The following POLE variants were observed in gnomAD, a reference collection of about 807,000 sequenced individuals.
POLE encodes the protein DNA polymerase epsilon, catalytic subunit.
POLE carries 188 observed loss-of-function variants against 279.2 expected under a neutral mutation model. The observed-to-expected ratio is 0.67, with a 90% CI of 0.60 to 0.76. The LOEUF is 0.76. Ranked by LOEUF, POLE falls within the 30% of genes least tolerant of loss-of-function variation. The pLI is 0.00. For missense variants in POLE, 2,703 were observed against 3,016.7 expected (o/e 0.90, Z 2.44); for synonymous variants, 1,214 against 1,172.5 (o/e 1.04, Z -0.72).
In POLE at chr12:132,675,282, G is replaced by A. The variant is rs2043018738; in HGVS notation, c.1226+116C>T. 21 of 1,334,330 alleles carry A rather than the reference G, an allele frequency of 1.6e-5. No homozygotes were observed. Among genetic ancestry groups the A allele is most frequent in the South Asian group, 4.2e-5 (3 of 71,886 alleles). 82.7% of individuals were successfully genotyped at this position (1,334,330 alleles called of 1,614,324 possible). A position where few individuals can be genotyped will look rare whatever the true frequency, so the allele number is the denominator to read the frequency against. ...GCCATACTCTTGGGTGACCTGAAACGGCCTCTCGGAGGCCACCCTCCTCCC... is the reference window on the plus strand; with the variant it reads ...GCCATACTCTTGGGTGACCTGAAACAGCCTCTCGGAGGCCACCCTCCTCCC... On this transcript the variant is annotated intron_variant, in intron 12 of 48. Coordinates refer to ENST00000320574, the MANE Select transcript of POLE (RefSeq NM_006231.4). This position sits in a 1 kb window ranked among gnomAD's most constrained non-coding sequence, Gnocchi z 4.3.
rs139075637 is a variant in POLE, at chr12:132,676,594, A to T, written c.861T>A (p.Asp287Glu). The part of the protein sequence containing the change: ...ETTKLPLKFP[D>E]AETDQIMMIS... ...TCATCATAATCTGGTCTGTCTCAGCATCAGGAAACTTGAGGGGCAGTTTGG... is the reference window on the plus strand; with the variant it reads ...TCATCATAATCTGGTCTGTCTCAGCTTCAGGAAACTTGAGGGGCAGTTTGG... The change falls in exon 9 of 49, where the codon GAT (aspartate) becomes GAA (glutamate). Residue 287 changes from aspartate to glutamate, a missense_variant. Transcript: ENST00000320574. The T allele has an allele frequency of 1.3e-3, 2,175 of 1,614,080 alleles. 4 individuals are homozygous for T. Among genetic ancestry groups the T allele is most frequent in the Non-Finnish European group, 1.8e-3 (2,078 of 1,179,940 alleles).
intron 39 of POLE, chr12:132,641,401 G>A: frequency 1.8e-6 from 1 of 563,060 alleles, no homozygotes; most frequent in South Asian, 2.0e-5. Context: ...GAAAGACTCT[G>A]TGTGAAGTAC....
rs369732588 is a variant in POLE at position 132,661,167 on chromosome 12, G to GAAAA, written c.2865-7_2865-4dup. 3.6e-6 allele frequency: 5 copies of GAAAA among 1,378,038 alleles called. No homozygotes were observed. Among genetic ancestry groups the GAAAA allele is most frequent in the African/African-American group, 1.6e-5 (1 of 63,412 alleles). The allele number at this position is 1,378,038 out of a possible 1,614,324, so 85.4% of individuals were successfully genotyped here. ...CGTCTTCATTGAACACAGCATACCT[G>GAAAA]AAAAAAAAAAAAAAGGCAAGCACAG... On this transcript the variant is annotated splice_region_variant and splice_polypyrimidine_tract_variant and intron_variant, in intron 24 of 48. Coordinates refer to ENST00000320574, the MANE Select transcript of POLE (RefSeq NM_006231.4). The surrounding 1 kb of genome is among the most constrained non-coding windows in gnomAD (Gnocchi z 4.1).
At chr12:132,632,912 T>C (rs2041964133) in intron 43 of POLE, 117 bp from the exon 44 acceptor site, 4 of 1,160,146 alleles carry the variant, frequency 3.4e-6, no homozygotes, top group Non-Finnish European at 4.8e-6. Context: ...ATGTCATTGT[T>C]AATAATTTTA....
intron 23 of POLE, among the ~76,000 whole-genome samples, chr12:132,662,031 T>C (rs2042693311): frequency 1.3e-5 from 2 of 152,314 alleles, no homozygotes; most frequent in South Asian, 4.1e-4. Flanking sequence ...GCAGCTGTTT[T>C]GTGTTGCTTC....
intron 41 of POLE, among the ~76,000 whole-genome samples, chr12:132,636,440 G>GAAA (rs2042034302): frequency 1.4e-5 from 1 of 70,364 alleles, no homozygotes; most frequent in African/African-American, 4.9e-5. Context: ...ATCCATTTAA[G>GAAA]GAAAAAAAAA....
intron 12 of POLE, 58 bp from the exon 13 acceptor site, chr12:132,673,765 C>A: frequency 6.2e-7 from 1 of 1,601,498 alleles, no homozygotes; most frequent in Non-Finnish European, 8.5e-7. Context: ...CCGGGAACCC[C>A]TGAGAACTGG....
At chr12:132,681,763 G>C (rs1445048497) in intron 1 of POLE, among the ~76,000 whole-genome samples, 1 of 152,192 alleles carries the variant, frequency 6.6e-6, no homozygotes, top group Non-Finnish European at 1.5e-5. Context: ...TTTATAACCA[G>C]AATACTAACA....
intron 16 of POLE, among the ~76,000 whole-genome samples, chr12:132,669,898 G>A (rs542198427): frequency 6.6e-6 from 1 of 152,144 alleles, no homozygotes; most frequent in Non-Finnish European, 1.5e-5. Context: ...CGAGGACTTA[G>A]GAATCGCTAA....
At chr12:132,648,188 C>A (rs1043856476) in intron 32 of POLE, among the ~76,000 whole-genome samples, 1 of 152,114 alleles carries the variant, frequency 6.6e-6, no homozygotes, top group Non-Finnish European at 1.5e-5. Context: ...GCACAAAGAC[C>A]CACCTACTGT....
At chr12:132,628,871 G>A (rs977231542) in intron 45 of POLE, among the ~76,000 whole-genome samples, 1 of 152,072 alleles carries the variant, frequency 6.6e-6, no homozygotes, top group Non-Finnish European at 1.5e-5. Flanking sequence ...ATCCATGAGG[G>A]TCAGAATCAA....
rs79736579 is a variant in POLE, at chr12:132,645,845, G to C, written c.4150-1868C>G. 9.0e-3 allele frequency among the ~76,000 whole-genome samples: 1,366 copies of C among 151,978 alleles called. 15 individuals carry two copies. Among genetic ancestry groups the C allele is most frequent in the African/African-American group, 0.032 (1,306 of 41,392 alleles). On this transcript the variant is annotated intron_variant, in intron 32 of 48. Coordinates refer to ENST00000320574, the MANE Select transcript of POLE (RefSeq NM_006231.4). ...TCAAAGAAATGAAAAATTATGTTCT[G>C]GTAAATATGAACTGGAACAATTAGT... is the stretch of plus-strand genomic sequence containing the variant.
intron 16 of POLE, among the ~76,000 whole-genome samples, chr12:132,671,908 G>A (rs553421288): frequency 6.6e-5 from 10 of 151,980 alleles, no homozygotes; most frequent in Non-Finnish European, 1.5e-4. Flanking sequence ...ACCTCCAATG[G>A]CTCCCCAGTG....
Position 132,668,908 on chromosome 12 carries a change from G to A in POLE, c.1826C>T (p.Ser609Phe), listed in dbSNP as rs2042861896. The stretch of plus-strand genomic sequence containing the variant: ...GATGCGGCTGGGAACGTCCTTCAGG[G>A]AGGCAAGCTTGCTCTTAATCTCATC... Reference protein sequence around the residue: ...VCDEIKSKLASLKDVPSRIEC... With the variant: ...VCDEIKSKLAFLKDVPSRIEC... The change falls in exon 17 of 49, where the codon TCC (serine) becomes TTC (phenylalanine). Residue 609 changes from serine (S) to phenylalanine (F), a missense_variant. By Grantham distance (155) the Ser-to-Phe change is radical. Transcript: ENST00000320574. The surrounding 1 kb of genome is among the most constrained non-coding windows in gnomAD (Gnocchi z 4.0). The A allele has an allele frequency of 6.2e-7, 1 of 1,614,030 alleles. No homozygotes were observed. The highest frequency in any genetic ancestry group is 1.7e-5 in the Admixed American group (1 of 60,004).
At chr12:132,687,028 C>A (rs1030821495) in intron 1 of POLE, among the ~76,000 whole-genome samples, 4 of 151,412 alleles carry the variant, frequency 2.6e-5, no homozygotes, top group African/African-American at 9.7e-5. Flanking sequence ...AAAGGCCGCG[C>A]GGCCCGCCTC....
intron 44 of POLE, 38 bp from the exon 45 acceptor site, chr12:132,632,546 C>T (rs991958601): frequency 5.2e-5 from 84 of 1,607,322 alleles, no homozygotes; most frequent in Non-Finnish European, 6.8e-5. Context: ...GGTCTGGGAC[C>T]TGTCTGGCAC....
chr12:132,670,227 T>G (rs2042893374), intron 16 of POLE, among the ~76,000 whole-genome samples: 1 of 146,924 alleles, frequency 6.8e-6, no homozygotes, highest in Non-Finnish European at 1.5e-5. Flanking sequence ...AAAAAAAAAA[T>G]TACCCAGGCG....
At chr12:132,641,516 A>G in intron 39 of POLE, 131 bp downstream of exon 39, 2 of 744,366 alleles carry the variant, frequency 2.7e-6, no homozygotes, top group South Asian at 1.8e-5. Context: ...CTCGCCACAC[A>G]GTGGTCTCTG....
intron 33 of POLE, 45 bp from the exon 34 acceptor site, chr12:132,643,605 G>T (rs1249044500): frequency 3.7e-6 from 6 of 1,610,864 alleles, no homozygotes; most frequent in Non-Finnish European, 5.1e-6. Flanking sequence ...GGATGGTGGG[G>T]GCTCTGGCTG....
Sources: allele counts gnomAD v4.1 joint callset (sites outside exome capture counted in the v4.1 genomes callset), GRCh38; gene constraint gnomAD v4.1.1; non-coding constraint Gnocchi (gnomAD v3.1); transcripts MANE v1.5; gene names NCBI Gene and HGNC (gene_info 2026-07-23, HGNC 2026-07-21).